The following KCNN2 variants were observed in gnomAD, a reference collection of about 807,000 sequenced individuals.
The protein encoded by KCNN2 is small conductance calcium-activated potassium channel protein 2.
A neutral mutation model predicts 55.5 loss-of-function variants in KCNN2; 24 were observed. The ratio of observed to expected loss-of-function variants is 0.43; its 90% confidence interval spans 0.31 to 0.61. The LOEUF (loss-of-function observed/expected upper bound fraction) is 0.61. Among genes scored for constraint, KCNN2 ranks in the 20% least tolerant of loss-of-function variants. The probability of loss-of-function intolerance (pLI) is 0.08; values close to 1 mark genes in which losing one functional copy is unlikely to be tolerated. For missense variants in KCNN2, 754 were observed against 853.6 expected (o/e 0.88, Z 1.45); for synonymous variants, 431 against 336.1 (o/e 1.28, Z -3.09).
rs17136296 is a variant in KCNN2, at chr5:114,122,063, A to G, written c.-271+65563A>G. 9.3e-3 allele frequency among the ~76,000 whole-genome samples: 1,411 copies of G among 152,330 alleles called. 19 individuals carry two copies. The highest frequency in any genetic ancestry group is 0.032 in the African/African-American group (1,348 of 41,562). The stretch of plus-strand genomic sequence containing the variant: ...CTGAGTGAGACTTGCATGTGTAGGC[A>G]TTGTCAGTAAAGCACAATAACAACT... On this transcript the variant is annotated intron_variant, in intron 1 of 10. Coordinates refer to the KCNN2 transcript ENST00000512097.
chr5:114,292,153 C>G (rs1189750237), intron 2 of KCNN2, among the ~76,000 whole-genome samples: 1 of 152,168 alleles, frequency 6.6e-6, no homozygotes, highest in Non-Finnish European at 1.5e-5. Flanking sequence ...CCTGTTCACT[C>G]TGATGGCAGT....
At chr5:114,443,742 C>T (rs566033751) in intron 3 of KCNN2, among the ~76,000 whole-genome samples, 95 of 152,244 alleles carry the variant, frequency 6.2e-4, no homozygotes, top group African/African-American at 2.0e-3. Context: ...AATAGATGCA[C>T]GGGTGGCAAG....
chr5:114,331,060 C>T (rs1580726631), intron 2 of KCNN2, among the ~76,000 whole-genome samples: 1 of 152,148 alleles, frequency 6.6e-6, no homozygotes, highest in African/African-American at 2.4e-5. Context: ...TCTCCATCAC[C>T]GGTTGAAGTG....
At chr5:114,104,179 T>A (rs112735457) in intron 1 of KCNN2, among the ~76,000 whole-genome samples, 1 of 152,184 alleles carries the variant, frequency 6.6e-6, no homozygotes, top group Non-Finnish European at 1.5e-5. Flanking sequence ...CAGGAACTTA[T>A]CCATTTCTTC....
chr5:114,093,956 G>C (rs1165591883), intron 1 of KCNN2, among the ~76,000 whole-genome samples: 1 of 152,156 alleles, frequency 6.6e-6, no homozygotes, highest in Non-Finnish European at 1.5e-5. Flanking sequence ...CTGAGACTCT[G>C]TAAGGTTAAG....
At chr5:114,092,443 G>A (rs1029136967) in intron 1 of KCNN2, among the ~76,000 whole-genome samples, 3 of 152,130 alleles carry the variant, frequency 2.0e-5, no homozygotes, top group Admixed American at 6.5e-5. Context: ...GCTTTTCCAG[G>A]TACATGGTGC....
intron 1 of KCNN2, among the ~76,000 whole-genome samples, chr5:114,090,982 C>T (rs1751132143): frequency 6.6e-6 from 1 of 152,118 alleles, no homozygotes; most frequent in South Asian, 2.1e-4. Context: ...GGACTACAGG[C>T]ATGTACCATG....
At chr5:114,095,668 C>G (rs1343016269) in intron 1 of KCNN2, among the ~76,000 whole-genome samples, 1 of 152,118 alleles carries the variant, frequency 6.6e-6, no homozygotes, top group Admixed American at 6.6e-5. Flanking sequence ...CATTTTCTAC[C>G]TTGTTTCTCT....
intron 2 of KCNN2, among the ~76,000 whole-genome samples, chr5:114,299,575 A>G (rs1229258466): frequency 6.6e-6 from 1 of 152,156 alleles, no homozygotes; most frequent in East Asian, 1.9e-4. Flanking sequence ...GTATACTGCT[A>G]TCCTCTGGAA....
At position 114,496,112 on chromosome 5, in the gene KCNN2, G is replaced by T. The variant is rs772419723; in HGVS notation, c.2306G>T (p.Arg769Leu). ...YDKHVTYNAE[R>L]SRSSSRRRRS... ...AAGCACGTCACTTACAATGCTGAGC[G>T]GTCCCGGTCCTCGTCCAGGAGGCGG... is the stretch of plus-strand genomic sequence containing the variant. Residue 769 changes from arginine to leucine, a missense_variant, in exon 8 of 8, where the codon CGG becomes CTG. Arg to Leu is a moderately radical substitution (Grantham distance 102). This residue lies in a region of KCNN2 where 164 missense variants were observed against 156.6 expected (regional missense o/e 1.05). Coordinates refer to ENST00000673685, the MANE Select transcript of KCNN2 (RefSeq NM_021614.4). The T allele has an allele frequency of 2.5e-6, 4 of 1,613,974 alleles. No homozygotes were observed. The South Asian group carries it at 3.3e-5, about 13-fold the overall frequency.
chr5:114,353,376 C>T (rs568265206), intron 2 of KCNN2, among the ~76,000 whole-genome samples: 1 of 151,864 alleles, frequency 6.6e-6, no homozygotes, highest in Non-Finnish European at 1.5e-5. Context: ...TTTCTTCTAC[C>T]TCAATCCTTT....
intron 2 of KCNN2, among the ~76,000 whole-genome samples, chr5:114,225,779 C>G (rs919980950): frequency 3.3e-5 from 5 of 152,194 alleles, no homozygotes; most frequent in South Asian, 4.2e-4. Context: ...GATTTTGAAC[C>G]TAAATCCTTA....
At chr5:114,323,649 A>AATTTTTTTTTTTTTGTTTTTTTTTTTTT (rs1404261239) in intron 2 of KCNN2, among the ~76,000 whole-genome samples, 1 of 85,318 alleles carries the variant, frequency 1.2e-5, no homozygotes, top group Admixed American at 1.8e-4. Flanking sequence ...AAACATATCA[A>AATTTTTTTTTTTTTGTTTTTTTTTTTTT]TTTTTTTTTT....
intron 3 of KCNN2, among the ~76,000 whole-genome samples, chr5:114,413,757 A>T (rs567554813): frequency 9.2e-5 from 14 of 152,170 alleles, no homozygotes; most frequent in African/African-American, 3.4e-4. Flanking sequence ...CAGGAATCCA[A>T]CCTCAATGAT....
chr5:114,115,252 C>G (rs1751687636), intron 1 of KCNN2, among the ~76,000 whole-genome samples: 1 of 152,112 alleles, frequency 6.6e-6, no homozygotes, highest in East Asian at 1.9e-4. Context: ...TCTAACTTTT[C>G]TAATTTATGC....
chr5:114,445,706 A>G (rs1197705936), intron 3 of KCNN2, among the ~76,000 whole-genome samples: 1 of 152,236 alleles, frequency 6.6e-6, no homozygotes, highest in African/African-American at 2.4e-5. Context: ...ATATCACTAA[A>G]CAATATATAA....
chr5:114,109,881 A>G (rs913909235), intron 1 of KCNN2, among the ~76,000 whole-genome samples: 3 of 152,058 alleles, frequency 2.0e-5, no homozygotes, highest in Admixed American at 2.0e-4. Context: ...CATGGGTAGT[A>G]CTATGATTTG....
chr5:114,205,665 A>T (rs1353007893), intron 1 of KCNN2, among the ~76,000 whole-genome samples: 1 of 152,204 alleles, frequency 6.6e-6, no homozygotes, highest in Non-Finnish European at 1.5e-5. Flanking sequence ...GAAACCAAAA[A>T]ATGGGCCTTC....
chr5:114,394,195 A>T (rs567241811), intron 2 of KCNN2, among the ~76,000 whole-genome samples: 1 of 152,296 alleles, frequency 6.6e-6, no homozygotes, highest in South Asian at 2.1e-4. Flanking sequence ...TGCCTATTCA[A>T]TCTGACAGGT....
Sources: gnomAD v4.1 joint callset for allele counts (sites outside exome capture counted in the v4.1 genomes callset) on GRCh38, gnomAD v4.1.1 for gene constraint, gnomAD v4.1.1 regional missense constraint, MANE v1.5 for transcripts, NCBI Gene and HGNC (gene_info 2026-07-23, HGNC 2026-07-21) for gene names.